Variants in ABCC3 observed in about 807,000 individuals in gnomAD.
The protein encoded by ABCC3 is ATP-binding cassette sub-family C member 3.
Under a neutral mutation model 165.3 loss-of-function variants are expected in ABCC3, and 121 were observed. That is an observed-to-expected ratio of 0.73 (90% CI 0.63 to 0.85). The LOEUF (loss-of-function observed/expected upper bound fraction) is 0.85. Ranked by LOEUF, ABCC3 falls within the 40% of genes least tolerant of loss-of-function variation. The pLI, the probability that ABCC3 is intolerant of heterozygous loss-of-function variation, is 0.00. For missense variants in ABCC3, 1,869 were observed against 1,964.1 expected (o/e 0.95, Z 0.92); for synonymous variants, 733 against 810.1 (o/e 0.90, Z 1.62).
intron 11 of ABCC3, among the ~76,000 whole-genome samples, chr17:50,665,599 G>GT (rs1191465788): frequency 3.4e-5 from 5 of 145,532 alleles, no homozygotes; most frequent in African/African-American, 5.3e-5. Context: ...TTCTTGAAGT[G>GT]TTTTTTTTCT....
At chr17:50,674,852 T>G (rs1205244869) in intron 19 of ABCC3, among the ~76,000 whole-genome samples, 1 of 148,286 alleles carries the variant, frequency 6.7e-6, no homozygotes, top group African/African-American at 2.5e-5. Context: ...CAGGCTGGAG[T>G]GCAACGGTGC....
intron 17 of ABCC3, among the ~76,000 whole-genome samples, chr17:50,670,736 GC>G (rs1299701402): frequency 6.6e-6 from 1 of 152,186 alleles, no homozygotes; most frequent in Non-Finnish European, 1.5e-5. Context: ...GACCGAGTGA[GC>G]CTTGTCTGGA....
intron 1 of ABCC3, among the ~76,000 whole-genome samples, chr17:50,637,297 C>T (rs2054189658): frequency 6.6e-6 from 1 of 152,154 alleles, no homozygotes; most frequent in Non-Finnish European, 1.5e-5. Flanking sequence ...CCCAGCTCAT[C>T]CTCTGAGGGA....
chr17:50,672,370 G>T (rs1452901373), intron 17 of ABCC3, among the ~76,000 whole-genome samples: 3 of 152,228 alleles, frequency 2.0e-5, no homozygotes, highest in Non-Finnish European at 1.5e-5. Context: ...AAGGCTGAAT[G>T]ATATTTCATT....
Position 50,660,914 on chromosome 17 carries a change from C to G in ABCC3, c.807-9C>G, listed in dbSNP as rs1188625915. 1.9e-6 allele frequency: 3 copies of G among 1,585,416 alleles called. No homozygotes were observed. The South Asian group carries it at 3.5e-5, about 19-fold the overall frequency. ...TTCCTAACCCACTGCTCCTTCCTCC[C>G]TGGACCAGACACAAGGCTTCAGCAG... On this transcript the variant is annotated splice_polypyrimidine_tract_variant and intron_variant, in intron 7 of 30. Transcript: ENST00000285238.
intron 1 of ABCC3, chr17:50,635,282 G>A: frequency 3.2e-6 from 2 of 624,770 alleles, no homozygotes; most frequent in East Asian, 2.7e-5. Context: ...GCGTGGCTGG[G>A]TGAGTCGGCT....
intron 17 of ABCC3, among the ~76,000 whole-genome samples, chr17:50,671,173 G>T (rs930607714): frequency 6.6e-6 from 1 of 151,478 alleles, no homozygotes; most frequent in Non-Finnish European, 1.5e-5. Context: ...GGAGCATTGC[G>T]TAAGCCCAGG....
intron 1 of ABCC3, among the ~76,000 whole-genome samples, chr17:50,650,045 G>A (rs1368888503): frequency 6.6e-6 from 1 of 152,202 alleles, no homozygotes; most frequent in East Asian, 1.9e-4. Context: ...TTCCTATTAT[G>A]ATCAGACCAA....
chr17:50,660,786 C>G (rs1967360231), intron 7 of ABCC3, 137 bp from the exon 8 acceptor site: 47 of 547,638 alleles, frequency 8.6e-5, no homozygotes, highest in Admixed American at 9.3e-5. Flanking sequence ...CTTATGCTGT[C>G]TGTTCCCCTC....
In ABCC3 at chr17:50,683,511, T is replaced by C. The variant is rs375361731; in HGVS notation, c.3808-99T>C. 1.1e-5 allele frequency: 15 copies of C among 1,307,430 alleles called. 1 individual carries two copies. In the South Asian group the frequency reaches 2.2e-4, roughly 19 times the overall value. 81.0% of individuals were successfully genotyped at this position (1,307,430 alleles called of 1,614,324 possible). A position where few individuals can be genotyped will look rare whatever the true frequency, so the allele number is the denominator to read the frequency against. ...GTGCCAAGGACCCTCCCAGGGACCA[T>C]AGTTGGGGAGGATTGAGGGGCCTTG... On this transcript the variant is annotated intron_variant, in intron 26 of 30. Transcript: ENST00000285238.
intron 1 of ABCC3, among the ~76,000 whole-genome samples, chr17:50,648,660 T>C (rs533027855): frequency 1.1e-3 from 161 of 152,292 alleles, no homozygotes; most frequent in African/African-American, 3.7e-3. Context: ...CTGTCTTCAG[T>C]AGCTGTTTCT....
rs149186395 is a variant in ABCC3 at position 50,662,992 on chromosome 17, G to A, written c.999-689G>A. On this transcript the variant is annotated intron_variant, in intron 8 of 30. Transcript: ENST00000285238. The stretch of plus-strand genomic sequence containing the variant: ...CAAGTTCCTGAGGAGGCAGAGGAAG[G>A]CCAGGGCTCGGGGGCAGGGGCAGCC... Among the ~76,000 whole-genome samples, 1,454 of 152,214 alleles carry A rather than the reference G, an allele frequency of 9.6e-3. 13 individuals are homozygous for A. The highest frequency in any genetic ancestry group is 0.024 in the Middle Eastern group (7 of 294).
intron 15 of ABCC3, 109 bp from the exon 16 acceptor site, chr17:50,669,031 G>C: frequency 1.3e-6 from 2 of 1,594,898 alleles, no homozygotes; most frequent in Non-Finnish European, 1.7e-6. Context: ...GCTTCAGCCT[G>C]CCAGGGGGGT....
intron 3 of ABCC3, 26 bp downstream of exon 3, chr17:50,656,853 G>A (rs369010280): frequency 6.3e-7 from 1 of 1,589,196 alleles, no homozygotes; most frequent in Non-Finnish European, 8.5e-7. Context: ...TGGGAAAGTG[G>A]ATGGGGGAGG....
rs144001322 is a variant in ABCC3 at position 50,673,124 on chromosome 17, G to T, written c.2395G>T (p.Val799Leu). The T allele has an allele frequency of 6.2e-7, 1 of 1,613,856 alleles. No individual in the cohort carries two copies. Among genetic ancestry groups the T allele is most frequent in the African/African-American group, 1.3e-5 (1 of 74,940 alleles). The change falls in exon 18 of 31, where the codon GTG (valine) becomes TTG (leucine). Residue 799 changes from valine to leucine, a missense_variant. Val to Leu is a conservative substitution (Grantham distance 32, BLOSUM62 1). Transcript: ENST00000285238. ...IFDHVIGPEG[V>L]LAGKTRVLVT... ...TGACCACGTCATCGGGCCAGAAGGCGTGCTGGCAGGCAAGGTGAGGCCTGC... is the reference window on the plus strand; with the variant it reads ...TGACCACGTCATCGGGCCAGAAGGCTTGCTGGCAGGCAAGGTGAGGCCTGC...
At chr17:50,664,658 A>T (rs1255510245) in intron 10 of ABCC3, 1 of 170,284 alleles carries the variant, frequency 5.9e-6, no homozygotes, top group Non-Finnish European at 1.2e-5. Context: ...AGCCGAGATC[A>T]TACCACTGCA....
chr17:50,677,837 G>T lies in ABCC3; in HGVS notation c.3472G>T (p.Ala1158Ser). Residue 1158 changes from alanine (A) to serine (S), a missense_variant, in exon 24 of 31, where the codon GCC becomes TCC. Coordinates refer to ENST00000285238, the MANE Select transcript of ABCC3 (RefSeq NM_003786.4). ...YSHFSETVTGASVIRAYNRSR... is the reference protein window; with the variant it reads ...YSHFSETVTGSSVIRAYNRSR... ...CCACTTTTCGGAGACAGTGACTGGTGCCAGTGTCATCCGGGCCTACAACCG... is the reference window on the plus strand; with the variant it reads ...CCACTTTTCGGAGACAGTGACTGGTTCCAGTGTCATCCGGGCCTACAACCG... The T allele has an allele frequency of 6.2e-7, 1 of 1,614,136 alleles. No individual in the cohort carries two copies. The highest frequency in any genetic ancestry group is 8.5e-7 in the Non-Finnish European group (1 of 1,180,034).
rs746009186 is a variant in ABCC3, at chr17:50,656,737, G to A, written c.258G>A (p.Ala86=). Residue 86 remains alanine (A), a synonymous_variant, in exon 3 of 31, where the codon GCG becomes GCA. Transcript: ENST00000285238. ...LGVLLWCVSW[A]DLFYSFHGLV... ...TCCTGCTGTGGTGCGTCTCCTGGGC[G>A]GACCTTTTTTACTCCTTCCATGGCC... is the stretch of plus-strand genomic sequence containing the variant. 75 of 1,613,804 alleles carry A rather than the reference G, an allele frequency of 4.6e-5. No homozygotes were observed. Among genetic ancestry groups the A allele is most frequent in the Non-Finnish European group, 5.4e-5 (64 of 1,179,948 alleles).
intron 1 of ABCC3, among the ~76,000 whole-genome samples, chr17:50,648,212 C>G (rs1967041093): frequency 7.9e-5 from 12 of 152,118 alleles, no homozygotes; most frequent in Admixed American, 7.9e-4. Flanking sequence ...GATATTAACA[C>G]CTTTTTGGAA....
Sources: gnomAD v4.1 joint callset for allele counts (sites outside exome capture counted in the v4.1 genomes callset) on GRCh38, gnomAD v4.1.1 for gene constraint, MANE v1.5 for transcripts, NCBI Gene and HGNC (gene_info 2026-07-23, HGNC 2026-07-21) for gene names.